Variants in ZC2HC1A observed in about 807,000 individuals in gnomAD.
ZC2HC1A encodes the protein zinc finger C2HC-type containing 1A, also known as zinc finger C2HC domain-containing protein 1A.
ZC2HC1A carries 28 observed loss-of-function variants against 40.7 expected under a neutral mutation model. That is an observed-to-expected ratio of 0.69 (90% CI 0.51 to 0.94). The LOEUF is 0.94. Among genes scored for constraint, ZC2HC1A ranks in the 40% least tolerant of loss-of-function variants. The probability of loss-of-function intolerance (pLI) is 0.00; values close to 1 mark genes in which losing one functional copy is unlikely to be tolerated. For synonymous variants in ZC2HC1A, 129 were observed against 129.2 expected, an observed-to-expected ratio of 1.00 and a Z score of 0.01; for missense variants, 389 against 386.3, an observed-to-expected ratio of 1.01 and a Z score of -0.06.
chr8:78,671,486 G>A (rs1293287925), intron 1 of ZC2HC1A, among the ~76,000 whole-genome samples: 1 of 152,110 alleles, frequency 6.6e-6, no homozygotes, highest in Non-Finnish European at 1.5e-5. Flanking sequence ...TGCAAAATTT[G>A]CTAGTTTTTG....
chr8:78,706,307 T>C (rs1284994899), intron 7 of ZC2HC1A, among the ~76,000 whole-genome samples: 1 of 152,180 alleles, frequency 6.6e-6, no homozygotes, highest in Non-Finnish European at 1.5e-5. Context: ...CCTAAGGGTA[T>C]GTACGGGGGT....
At chr8:78,669,726 G>A (rs1210021497) in intron 1 of ZC2HC1A, among the ~76,000 whole-genome samples, 2 of 152,204 alleles carry the variant, frequency 1.3e-5, no homozygotes, top group East Asian at 3.9e-4. Flanking sequence ...ACAGCATTAT[G>A]ACCATCTCTT....
rs1809663694 is a variant in ZC2HC1A, at chr8:78,678,656, A to G, written c.187A>G (p.Thr63Ala). The change falls in exon 3 of 9, where the codon ACA becomes GCA. Residue 63 changes from threonine to alanine, a missense_variant. By Grantham distance (58) the Thr-to-Ala change is moderately conservative. Coordinates refer to ENST00000263849, the MANE Select transcript of ZC2HC1A (RefSeq NM_016010.3). Reference sequence around the variant, plus strand: ...GAGAGCTGAAGGAACTGATATTCCAACAGTAAAACCTCTCAAACCGAGGGT... The same window carrying G: ...GAGAGCTGAAGGAACTGATATTCCAGCAGTAAAACCTCTCAAACCGAGGGT... ...RQRAEGTDIP[T>A]VKPLKPRPEP... is the part of the protein sequence containing the mutation. The G allele has an allele frequency of 6.2e-7, 1 of 1,610,542 alleles. No individual in the cohort carries two copies. The highest frequency in any genetic ancestry group is 8.5e-7 in the Non-Finnish European group (1 of 1,178,780).
intron 3 of ZC2HC1A, among the ~76,000 whole-genome samples, chr8:78,679,682 T>C (rs989125416): frequency 6.6e-6 from 1 of 152,120 alleles, no homozygotes; most frequent in African/African-American, 2.4e-5. Flanking sequence ...AAGTACCTGA[T>C]TGAATAGGTT....
chr8:78,705,067 C>T (rs899703580), intron 7 of ZC2HC1A, among the ~76,000 whole-genome samples: 6 of 152,274 alleles, frequency 3.9e-5, no homozygotes, highest in East Asian at 1.9e-4. Context: ...CAGTGAACTT[C>T]GTTCCTGTCC....
chr8:78,687,460 AAT>A (rs1396660182), intron 4 of ZC2HC1A, among the ~76,000 whole-genome samples: 2 of 145,962 alleles, frequency 1.4e-5, no homozygotes, highest in African/African-American at 5.0e-5. Flanking sequence ...ATATATACAT[AAT>A]TATATATATA....
chr8:78,705,902 C>T (rs1372770372), intron 7 of ZC2HC1A, among the ~76,000 whole-genome samples: 2 of 151,936 alleles, frequency 1.3e-5, no homozygotes, highest in African/African-American at 2.4e-5. Context: ...TTACCACTTT[C>T]GTCCCAGTTG....
chr8:78,686,216 G>C (rs1009986698), intron 3 of ZC2HC1A, among the ~76,000 whole-genome samples: 1 of 152,100 alleles, frequency 6.6e-6, no homozygotes, highest in South Asian at 2.1e-4. Flanking sequence ...AGGATAAATA[G>C]ATGTAACACC....
intron 1 of ZC2HC1A, among the ~76,000 whole-genome samples, chr8:78,666,380 A>C (rs554191106): frequency 6.8e-4 from 104 of 152,340 alleles, no homozygotes; most frequent in Middle Eastern, 3.4e-3. Context: ...ACGGTCTTCA[A>C]CTGGGCTTTC....
rs1390574273 is a variant in ZC2HC1A at position 78,718,137 on chromosome 8, C to T, written c.*644C>T. On this transcript the variant is annotated 3_prime_UTR_variant, in exon 9 of 9. Coordinates refer to ENST00000263849, the MANE Select transcript of ZC2HC1A (RefSeq NM_016010.3). Reference sequence around the variant, plus strand: ...TTATGCAATTTCCTTTTCAAATACACAAGACTAAAAATACAAATCTATCTT... The same window carrying T: ...TTATGCAATTTCCTTTTCAAATACATAAGACTAAAAATACAAATCTATCTT... The T allele has an allele frequency of 1.3e-5, 2 of 151,934 alleles. No individual in the cohort carries two copies. Among genetic ancestry groups the T allele is most frequent in the South Asian group, 2.1e-4 (1 of 4,832 alleles). 9.4% of individuals were successfully genotyped at this position (151,934 alleles called of 1,614,324 possible).
intron 7 of ZC2HC1A, among the ~76,000 whole-genome samples, chr8:78,713,519 TA>T (rs1196450559): frequency 6.6e-6 from 1 of 151,852 alleles, no homozygotes; most frequent in Admixed American, 6.6e-5. Context: ...AATGATTTCC[TA>T]AAGATTGAAT....
intron 7 of ZC2HC1A, among the ~76,000 whole-genome samples, chr8:78,704,492 G>A (rs1810708483): frequency 1.3e-5 from 2 of 150,668 alleles, no homozygotes; most frequent in Non-Finnish European, 2.9e-5. Context: ...GCTTTCCTTT[G>A]TAGGTGACCT....
At chr8:78,698,616 G>A (rs1810508926) in intron 7 of ZC2HC1A, 103 bp downstream of exon 7, 2 of 872,302 alleles carry the variant, frequency 2.3e-6, no homozygotes, top group Non-Finnish European at 3.3e-6. Context: ...CATTTCCTAA[G>A]TTCATTTGTC....
At chr8:78,674,945 A>G (rs747982913) in intron 1 of ZC2HC1A, among the ~76,000 whole-genome samples, 3 of 152,116 alleles carry the variant, frequency 2.0e-5, no homozygotes, top group Non-Finnish European at 4.4e-5. Flanking sequence ...AACATGTTAC[A>G]TGTTTAAGTA....
rs76791001 is a variant in ZC2HC1A at position 78,688,577 on chromosome 8, A to C, written c.353-645A>C. On this transcript the variant is annotated intron_variant, in intron 4 of 8. Transcript: ENST00000263849. ...CATTTAGTTATTTTACAATGCTACA[A>C]AATATGGTTCTGGAATAATTTCAAA... is the stretch of plus-strand genomic sequence containing the variant. Among the ~76,000 whole-genome samples the C allele has an allele frequency of 7.9e-5, 12 of 152,294 alleles. No homozygotes were observed. The East Asian group carries it at 2.1e-3, about 27-fold the overall frequency.
intron 5 of ZC2HC1A, among the ~76,000 whole-genome samples, chr8:78,695,969 A>C: frequency 6.6e-6 from 1 of 152,134 alleles, no homozygotes. Flanking sequence ...GTGCATCTTA[A>C]ATTTTATATT....
Position 78,666,114 on chromosome 8 carries a change from TGAAG to T in ZC2HC1A, c.-32_-29del. ...AGAGCTGGGCGGTGGCGGGCGCTGC[TGAAG>T]GAGTCTCGCTGAGCTCGAGGAGGTG... On this transcript the variant is annotated 5_prime_UTR_variant, in exon 1 of 9. Coordinates refer to ENST00000263849, the MANE Select transcript of ZC2HC1A (RefSeq NM_016010.3). The T allele has an allele frequency of 2.6e-6, 4 of 1,560,758 alleles. No homozygotes were observed. Among genetic ancestry groups the T allele is most frequent in the Non-Finnish European group, 3.5e-6 (4 of 1,152,380 alleles).
chr8:78,716,309 G>C (rs1444726370), intron 8 of ZC2HC1A, among the ~76,000 whole-genome samples: 1 of 151,446 alleles, frequency 6.6e-6, no homozygotes, highest in Non-Finnish European at 1.5e-5. Flanking sequence ...ATTTTTATTA[G>C]AGACGGGGTT....
At chr8:78,701,324 A>T (rs1030121550) in intron 7 of ZC2HC1A, among the ~76,000 whole-genome samples, 2 of 152,074 alleles carry the variant, frequency 1.3e-5, no homozygotes, top group Non-Finnish European at 2.9e-5. Flanking sequence ...AATGCTAGTG[A>T]TTTTTGCACA....
Sources: allele counts gnomAD v4.1 joint callset (sites outside exome capture counted in the v4.1 genomes callset), GRCh38; gene constraint gnomAD v4.1.1; transcripts MANE v1.5; gene names NCBI Gene and HGNC (gene_info 2026-07-23, HGNC 2026-07-21).